Variants in RBM34 observed in about 807,000 individuals in gnomAD.
RBM34 encodes RNA binding motif protein 34.
RBM34 carries 39 observed loss-of-function variants against 44.6 expected under a neutral mutation model. The ratio of observed to expected loss-of-function variants is 0.87; its 90% CI spans 0.68 to 1.14. The LOEUF is 1.14. Among genes scored for constraint, RBM34 ranks in the 50% most tolerant of loss-of-function variants. The pLI is 0.00. For synonymous variants in RBM34, 194 were observed against 184.0 expected, an observed-to-expected ratio of 1.05 and a Z score of -0.44; for missense variants, 572 against 517.9, an observed-to-expected ratio of 1.10 and a Z score of -1.01.
chr1:235,150,553 T>A (rs1443404822), intron 5 of RBM34, among the ~76,000 whole-genome samples: 1 of 152,038 alleles, frequency 6.6e-6, no homozygotes, highest in Admixed American at 6.6e-5. Context: ...TAAGGAAGGA[T>A]TCCAGGCAAA....
chr1:235,160,857 T>C (rs1454894321), intron 2 of RBM34, 36 bp downstream of exon 2: 1 of 1,608,954 alleles, frequency 6.2e-7, no homozygotes, highest in Non-Finnish European at 8.5e-7. Context: ...TAAGTGGTTC[T>C]AACGAGCTAT....
At chr1:235,157,720 G>T (rs1662510600) in intron 3 of RBM34, among the ~76,000 whole-genome samples, 1 of 152,146 alleles carries the variant, frequency 6.6e-6, no homozygotes, top group Non-Finnish European at 1.5e-5. Context: ...AGAAAGAATT[G>T]GCAAGAGGAC....
At chr1:235,132,052 A>G (rs1226968236) in intron 10 of RBM34, 55 bp from the exon 11 acceptor site, 2 of 1,466,288 alleles carry the variant, frequency 1.4e-6, no homozygotes, top group East Asian at 2.3e-5. Flanking sequence ...CTGCAAAGAA[A>G]CTAGTGAAAG....
intron 3 of RBM34, chr1:235,156,513 T>TA: frequency 2.7e-6 from 1 of 372,280 alleles, no homozygotes; most frequent in South Asian, 2.2e-5. Context: ...GCAGAGTACT[T>TA]ACTCTGTACA....
At chr1:235,135,237 T>G (rs1424435412) in intron 10 of RBM34, among the ~76,000 whole-genome samples, 1 of 143,776 alleles carries the variant, frequency 7.0e-6, no homozygotes, top group Admixed American at 6.9e-5. Context: ...TATTTTTTTT[T>G]TTCCCCCTTG....
intron 6 of RBM34, among the ~76,000 whole-genome samples, chr1:235,142,763 A>G (rs1364671281): frequency 6.6e-6 from 1 of 151,254 alleles, no homozygotes; most frequent in African/African-American, 2.4e-5. Flanking sequence ...CCCCGTCTCT[A>G]CTAAAAATAC....
At chr1:235,141,775 T>C (rs1206868356) in intron 6 of RBM34, among the ~76,000 whole-genome samples, 1 of 151,910 alleles carries the variant, frequency 6.6e-6, no homozygotes, top group Non-Finnish European at 1.5e-5. Context: ...TTAAGAGCTG[T>C]AACACTCACT....
intron 2 of RBM34, 70 bp from the exon 3 acceptor site, chr1:235,160,717 GTCTT>G (rs1419299805): frequency 5.8e-6 from 9 of 1,551,788 alleles, no homozygotes; most frequent in Non-Finnish European, 7.0e-6. Context: ...CCATAATTCA[GTCTT>G]TCTAAATGAG....
At chr1:235,146,332 C>G (rs1234218060) in intron 6 of RBM34, among the ~76,000 whole-genome samples, 1 of 151,960 alleles carries the variant, frequency 6.6e-6, no homozygotes, top group Admixed American at 6.6e-5. Context: ...TAAGGCACAC[C>G]TAGAGAATAC....
intron 6 of RBM34, among the ~76,000 whole-genome samples, chr1:235,143,235 C>T (rs900256843): frequency 6.6e-6 from 1 of 152,148 alleles, no homozygotes; most frequent in African/African-American, 2.4e-5. Flanking sequence ...TGTGAAGCAA[C>T]TGACATTCTC....
chr1:235,133,864 G>T (rs1279230599), intron 10 of RBM34, among the ~76,000 whole-genome samples: 1 of 151,984 alleles, frequency 6.6e-6, no homozygotes, highest in Non-Finnish European at 1.5e-5. Flanking sequence ...GATGACAATA[G>T]ATTATTTTTT....
At position 235,131,593 on chromosome 1, in the gene RBM34, C is replaced by G; in HGVS notation, c.*120G>C. 8.9e-7 allele frequency: 1 copy of G among 1,120,680 alleles called. No homozygotes were observed. Among genetic ancestry groups the G allele is most frequent in the Non-Finnish European group, 1.3e-6 (1 of 786,836 alleles). The allele number at this position is 1,120,680 out of a possible 1,614,324, so 69.4% of individuals were successfully genotyped here. A position where few individuals can be genotyped will look rare whatever the true frequency, so the allele number is the denominator to read the frequency against. On this transcript the variant is annotated 3_prime_UTR_variant, in exon 11 of 11. Coordinates refer to ENST00000408888, the MANE Select transcript of RBM34 (RefSeq NM_015014.4). ...AGAATGTGGAAGTCTCCACATTTCA[C>G]ATACACCATCCATAAAGAAGTATAA...
intron 5 of RBM34, among the ~76,000 whole-genome samples, chr1:235,150,294 C>T (rs1052614399): frequency 7.9e-5 from 12 of 152,258 alleles, no homozygotes; most frequent in Middle Eastern, 3.4e-3. Context: ...AGGCTGGTCT[C>T]GAACTTCTGA....
chr1:235,147,939 A>C (rs1368865744), intron 6 of RBM34, among the ~76,000 whole-genome samples: 2 of 152,078 alleles, frequency 1.3e-5, no homozygotes, highest in Non-Finnish European at 2.9e-5. Flanking sequence ...ACTGAGTGGG[A>C]AACAAAAAAA....
intron 3 of RBM34, among the ~76,000 whole-genome samples, chr1:235,156,846 C>G (rs1662468574): frequency 6.6e-6 from 1 of 152,256 alleles, no homozygotes; most frequent in East Asian, 1.9e-4. Context: ...AGAGACAGAC[C>G]AAGTTCACAA....
intron 3 of RBM34, among the ~76,000 whole-genome samples, chr1:235,158,904 GC>G (rs1267909702): frequency 1.3e-5 from 2 of 151,270 alleles, no homozygotes; most frequent in African/African-American, 4.9e-5. Context: ...GATGGTTTGA[GC>G]CCAGGAGTTC....
intron 6 of RBM34, among the ~76,000 whole-genome samples, chr1:235,140,025 G>A (rs368463888): frequency 3.3e-5 from 5 of 152,346 alleles, no homozygotes; most frequent in African/African-American, 1.2e-4. Flanking sequence ...GGCTGAGATC[G>A]CAGCTATGGG....
In RBM34 at chr1:235,136,391, T is replaced by C. The variant is rs80308806; in HGVS notation, c.850-318A>G. Reference sequence around the variant, plus strand: ...CAAATATTATAGGCTTGGCAGGCCATGTGGAATCTGCTGCAACTACTCAAC... The same window carrying C: ...CAAATATTATAGGCTTGGCAGGCCACGTGGAATCTGCTGCAACTACTCAAC... On this transcript the variant is annotated intron_variant, in intron 8 of 10. Transcript: ENST00000408888. 3.7e-3 allele frequency among the ~76,000 whole-genome samples: 562 copies of C among 152,316 alleles called. 4 individuals are homozygous for C. The highest frequency in any genetic ancestry group is 0.013 in the African/African-American group (537 of 41,566).
At chr1:235,147,952 C>T (rs1482332541) in intron 6 of RBM34, among the ~76,000 whole-genome samples, 1 of 152,000 alleles carries the variant, frequency 6.6e-6, no homozygotes, top group African/African-American at 2.4e-5. Flanking sequence ...CAAAAAAAAT[C>T]CCCTGAGCAC....
Sources: gnomAD v4.1 joint callset for allele counts (sites outside exome capture counted in the v4.1 genomes callset) on GRCh38, gnomAD v4.1.1 for gene constraint, MANE v1.5 for transcripts, NCBI Gene and HGNC (gene_info 2026-07-23, HGNC 2026-07-21) for gene names.